IQGAP2: variants seen among roughly 807,000 people sequenced by gnomAD.
The protein encoded by IQGAP2 is IQ motif containing GTPase activating protein 2, also known as ras GTPase-activating-like protein IQGAP2.
IQGAP2 carries 173 observed loss-of-function variants against 201.3 expected under a neutral mutation model. That is an observed-to-expected ratio of 0.86 (90% CI 0.76 to 0.98). The LOEUF is 0.98. IQGAP2 is among the 50% of genes least tolerant of loss of function. The pLI is 0.00. For synonymous variants in IQGAP2, 675 were observed against 673.9 expected (o/e 1.00, Z -0.03); for missense variants, 1,687 against 1,864.8 (o/e 0.90, Z 1.76).
intron 3 of IQGAP2, among the ~76,000 whole-genome samples, 164 bp from the exon 4 acceptor site, chr5:76,570,416 A>C (rs1302879664): frequency 6.6e-6 from 1 of 152,212 alleles, no homozygotes; most frequent in Non-Finnish European, 1.5e-5. Flanking sequence ...TGTTGCCAAG[A>C]TACATCCTTT....
chr5:76,464,198 T>C (rs945783117), intron 2 of IQGAP2, among the ~76,000 whole-genome samples: 5 of 152,198 alleles, frequency 3.3e-5, no homozygotes, highest in Admixed American at 1.3e-4. Context: ...ATGGATTATA[T>C]AAAAATTTGT....
intron 31 of IQGAP2, among the ~76,000 whole-genome samples, chr5:76,694,679 G>T (rs1016688582): frequency 1.3e-5 from 2 of 152,182 alleles, no homozygotes; most frequent in African/African-American, 2.4e-5. Flanking sequence ...TGCTAACCTG[G>T]TAATAATGTT....
chr5:76,706,529 G>C (rs1580876018), intron 35 of IQGAP2, among the ~76,000 whole-genome samples: 1 of 151,942 alleles, frequency 6.6e-6, no homozygotes, highest in East Asian at 1.9e-4. Flanking sequence ...TGTATTTTTA[G>C]TAGAGATGGG....
At chr5:76,406,757 AC>A (rs1750817495) in intron 1 of IQGAP2, among the ~76,000 whole-genome samples, 1 of 152,206 alleles carries the variant, frequency 6.6e-6, no homozygotes, top group Non-Finnish European at 1.5e-5. Flanking sequence ...ACCACTGATA[AC>A]CCAATCAACA....
chr5:76,556,908 C>T (rs1743990468), intron 2 of IQGAP2, among the ~76,000 whole-genome samples: 1 of 152,204 alleles, frequency 6.6e-6, no homozygotes, highest in Admixed American at 6.5e-5. Context: ...TGCCCTGCTA[C>T]AGCACTACAA....
rs1256995671 is a variant in IQGAP2 at position 76,674,564 on chromosome 5, G to A, written c.3382G>A (p.Gly1128Ser). The change falls in exon 27 of 36, where the codon GGT becomes AGT. Residue 1128 changes from glycine to serine, a missense_variant. Physicochemically the swap from Gly to Ser is moderately conservative, Grantham distance 56. Transcript: ENST00000274364. ...GFDIIDMTAG[G>S]QINSDQRRNL... ...TGATATCATCGACATGACAGCTGGAGGTCAGATAAATTCTGACCAAAGGAG... is the reference window on the plus strand; with the variant it reads ...TGATATCATCGACATGACAGCTGGAAGTCAGATAAATTCTGACCAAAGGAG... The A allele has an allele frequency of 6.2e-7, 1 of 1,614,078 alleles. No individual in the cohort carries two copies. The highest frequency in any genetic ancestry group is 1.1e-5 in the South Asian group (1 of 91,072).
chr5:76,459,292 G>C (rs1275538854), intron 1 of IQGAP2, among the ~76,000 whole-genome samples: 1 of 152,046 alleles, frequency 6.6e-6, no homozygotes, highest in Non-Finnish European at 1.5e-5. Context: ...TCTTCTGCTG[G>C]GGGGTTAGTT....
intron 23 of IQGAP2, 35 bp downstream of exon 23, chr5:76,668,879 G>T: frequency 7.5e-7 from 1 of 1,332,218 alleles, no homozygotes; most frequent in South Asian, 1.5e-5. Context: ...AAATACCAGT[G>T]AATCAATCCT....
intron 5 of IQGAP2, among the ~76,000 whole-genome samples, chr5:76,576,291 G>A (rs1406411166): frequency 6.6e-6 from 1 of 152,178 alleles, no homozygotes; most frequent in Non-Finnish European, 1.5e-5. Flanking sequence ...GTAGTTTGGT[G>A]TAAATTAGTC....
Position 76,637,093 on chromosome 5 carries a change from A to G in IQGAP2, c.1840A>G (p.Asn614Asp). ...NLHKKYDYYY[N>D]TDSKESSWVT... is the part of the protein sequence containing the mutation. ...GCACAAAAAATATGACTACTATTAC[A>G]ACACTGATTCAAAAGAGAGTTCCTG... Residue 614 changes from asparagine to aspartate, a missense_variant, in exon 16 of 36, where the codon AAC (asparagine) becomes GAC (aspartate). Transcript: ENST00000274364. 1.9e-6 allele frequency: 3 copies of G among 1,611,818 alleles called. No homozygotes were observed. Among genetic ancestry groups the G allele is most frequent in the Non-Finnish European group, 2.5e-6 (3 of 1,178,184 alleles).
At chr5:76,521,544 C>T (rs948479431) in intron 2 of IQGAP2, among the ~76,000 whole-genome samples, 13 of 152,166 alleles carry the variant, frequency 8.5e-5, no homozygotes, top group Non-Finnish European at 2.9e-5. Context: ...TTTTAGGCAG[C>T]GTCTGCCATA....
chr5:76,576,707 T>C (rs1456799110), intron 5 of IQGAP2, among the ~76,000 whole-genome samples: 1 of 152,210 alleles, frequency 6.6e-6, no homozygotes, highest in Non-Finnish European at 1.5e-5. Context: ...TGTCATATAA[T>C]TTGACTTTTT....
At chr5:76,478,612 G>A (rs1256116058) in intron 2 of IQGAP2, among the ~76,000 whole-genome samples, 1 of 152,154 alleles carries the variant, frequency 6.6e-6, no homozygotes, top group African/African-American at 2.4e-5. Flanking sequence ...CCAGCTACAG[G>A]CCGGGCCCCC....
intron 12 of IQGAP2, chr5:76,608,932 C>T (rs1748031077): frequency 5.0e-6 from 3 of 594,900 alleles, no homozygotes; most frequent in East Asian, 3.0e-5. Context: ...GTTATAGTAA[C>T]ATGTGTTGAT....
chr5:76,653,235 G>A (rs1752658173), intron 18 of IQGAP2, among the ~76,000 whole-genome samples: 2 of 152,152 alleles, frequency 1.3e-5, no homozygotes, highest in South Asian at 4.1e-4. Context: ...AGAGGAAGTA[G>A]AGCTAATTTA....
chr5:76,468,402 G>C (rs915442741), intron 2 of IQGAP2, among the ~76,000 whole-genome samples: 18 of 152,268 alleles, frequency 1.2e-4, no homozygotes, highest in African/African-American at 3.6e-4. Flanking sequence ...TTACTCAAGA[G>C]TTTAAAGTTA....
chr5:76,571,603 AT>A (rs1326173325), intron 4 of IQGAP2, among the ~76,000 whole-genome samples: 2 of 152,272 alleles, frequency 1.3e-5, no homozygotes, highest in Non-Finnish European at 2.9e-5. Context: ...TGCTTGTTAA[AT>A]TTGAAGAGCA....
chr5:76,508,624 C>T (rs1757754119), intron 2 of IQGAP2, among the ~76,000 whole-genome samples: 1 of 151,516 alleles, frequency 6.6e-6, no homozygotes, highest in South Asian at 2.1e-4. Context: ...AAGAGAATTG[C>T]TTGAGCCCAG....
rs184253065 is a variant in IQGAP2, at chr5:76,658,195, T to C, written c.2321-264T>C. ...TAGCGCATGAGTCCAGGGAACAGTG[T>C]GAGAGAGAGCTGATAAAAGGGATAA... is the stretch of plus-strand genomic sequence containing the variant. On this transcript the variant is annotated intron_variant, in intron 20 of 35. Transcript: ENST00000274364. Among the ~76,000 whole-genome samples the C allele has an allele frequency of 3.3e-5, 5 of 152,218 alleles. No homozygotes were observed. In the East Asian group the frequency reaches 9.7e-4, roughly 29 times the overall value.
Sources: allele counts gnomAD v4.1 joint callset (sites outside exome capture counted in the v4.1 genomes callset), GRCh38; gene constraint gnomAD v4.1.1; transcripts MANE v1.5; gene names NCBI Gene and HGNC (gene_info 2026-07-23, HGNC 2026-07-21).